The following NRG3 variants were observed in gnomAD, a reference collection of about 807,000 sequenced individuals.
The protein encoded by NRG3 is pro-neuregulin-3, membrane-bound isoform.
NRG3 carries 31 observed loss-of-function variants against 66.9 expected under a neutral mutation model. The observed-to-expected ratio is 0.46, with a 90% CI of 0.35 to 0.63. The LOEUF is 0.63. Ranked by LOEUF, NRG3 falls within the 20% of genes least tolerant of loss-of-function variation. NRG3 has a pLI of 0.00. For missense variants in NRG3, 910 were observed against 878.9 expected (o/e 1.04, Z -0.45); for synonymous variants, 393 against 359.4 (o/e 1.09, Z -1.06).
chr10:82,173,843 C>T (rs2133134844), intron 1 of NRG3, among the ~76,000 whole-genome samples: 1 of 152,192 alleles, frequency 6.6e-6, no homozygotes, highest in South Asian at 2.1e-4. Flanking sequence ...GTAGCCACGG[C>T]CTCCTGACCT....
At chr10:82,407,778 A>G (rs1346686572) in intron 2 of NRG3, among the ~76,000 whole-genome samples, 1 of 152,094 alleles carries the variant, frequency 6.6e-6, no homozygotes, top group Non-Finnish European at 1.5e-5. Context: ...ATGTTAAAAT[A>G]GAAAAATATA....
At chr10:82,295,130 A>G (rs2079982754) in intron 1 of NRG3, among the ~76,000 whole-genome samples, 2 of 152,214 alleles carry the variant, frequency 1.3e-5, no homozygotes, top group African/African-American at 2.4e-5. Context: ...TAAATTGCAC[A>G]TGACCTTGGT....
At chr10:82,674,736 G>A (rs1219119190) in intron 2 of NRG3, among the ~76,000 whole-genome samples, 1 of 152,014 alleles carries the variant, frequency 6.6e-6, no homozygotes, top group Non-Finnish European at 1.5e-5. Context: ...TCTCTCAGAT[G>A]AAGTCCCGTT....
intron 4 of NRG3, among the ~76,000 whole-genome samples, chr10:82,892,473 T>C (rs1027540592): frequency 6.6e-6 from 1 of 152,036 alleles, no homozygotes; most frequent in Admixed American, 6.6e-5. Context: ...AAGACCAGCC[T>C]GAGAAATATA....
At chr10:82,237,998 G>T (rs1370171394) in intron 1 of NRG3, among the ~76,000 whole-genome samples, 1 of 152,100 alleles carries the variant, frequency 6.6e-6, no homozygotes, top group Non-Finnish European at 1.5e-5. Context: ...ATTTTAAGAT[G>T]TCTTTCAGCA....
At chr10:82,922,450 C>T (rs1394627614) in intron 4 of NRG3, among the ~76,000 whole-genome samples, 1 of 152,150 alleles carries the variant, frequency 6.6e-6, no homozygotes, top group East Asian at 1.9e-4. Context: ...CTTTCAGGAG[C>T]AGGTTCTTGC....
At chr10:82,616,051 A>G (rs1044534223) in intron 2 of NRG3, among the ~76,000 whole-genome samples, 7 of 152,198 alleles carry the variant, frequency 4.6e-5, no homozygotes, top group African/African-American at 7.2e-5. Flanking sequence ...CAAAACACAC[A>G]TTCATCCACA....
rs188919407 is a variant in NRG3, at chr10:81,968,534, C to T, written c.823+92371C>T. Among the ~76,000 whole-genome samples, 17 of 152,288 alleles carry T rather than the reference C, an allele frequency of 1.1e-4. No individual in the cohort carries two copies. In the East Asian group the frequency reaches 1.7e-3, roughly 16 times the overall value. On this transcript the variant is annotated intron_variant, in intron 1 of 8. Coordinates refer to ENST00000372141, the MANE Select transcript of NRG3 (RefSeq NM_001010848.4). The stretch of plus-strand genomic sequence containing the variant: ...GACTGGGCACCCCTCTTCCAGCTGC[C>T]GTGTTTTGGCAGGAACTCTGAGAAT...
chr10:82,317,722 A>C (rs572692893), intron 1 of NRG3, among the ~76,000 whole-genome samples: 1 of 152,364 alleles, frequency 6.6e-6, no homozygotes, highest in South Asian at 2.1e-4. Context: ...GATCAAGAAA[A>C]ATAATGAGAC....
At chr10:82,133,297 A>G (rs966435161) in intron 1 of NRG3, among the ~76,000 whole-genome samples, 3 of 151,986 alleles carry the variant, frequency 2.0e-5, no homozygotes, top group African/African-American at 7.3e-5. Context: ...ATATATGTGA[A>G]GGTTTGTTAC....
At chr10:82,224,265 TG>T (rs1241649480) in intron 1 of NRG3, 1 of 152,236 alleles carries the variant, frequency 6.6e-6, no homozygotes, top group Non-Finnish European at 1.5e-5. Context: ...AGCAGTTATG[TG>T]ATTATTGGCT....
At chr10:81,895,378 A>G (rs867698734) in intron 1 of NRG3, among the ~76,000 whole-genome samples, 1 of 152,282 alleles carries the variant, frequency 6.6e-6, no homozygotes, top group South Asian at 2.1e-4. Flanking sequence ...ATAGATCTGC[A>G]TACTCAGATT....
At chr10:82,232,452 C>A in intron 1 of NRG3, 1 of 284,140 alleles carries the variant, frequency 3.5e-6, no homozygotes, top group East Asian at 7.4e-5. Flanking sequence ...CCTGACATCC[C>A]CACTCCCTCT....
At chr10:82,831,841 T>C (rs1401211320) in intron 3 of NRG3, among the ~76,000 whole-genome samples, 2 of 152,090 alleles carry the variant, frequency 1.3e-5, no homozygotes, top group Non-Finnish European at 2.9e-5. Context: ...GGCATGCAGA[T>C]GGAAAGGGGT....
At chr10:82,392,894 A>ATTT (rs68069830) in intron 2 of NRG3, among the ~76,000 whole-genome samples, 29,636 of 146,932 alleles carry the variant, frequency 0.2, 3,512 homozygotes, top group East Asian at 0.49. Context: ...ATATATATAT[A>ATTT]TATATTTTTT....
chr10:82,487,719 T>C (rs1842795386), intron 2 of NRG3, among the ~76,000 whole-genome samples: 1 of 152,218 alleles, frequency 6.6e-6, no homozygotes, highest in Admixed American at 6.5e-5. Context: ...CTTGTGTTAG[T>C]TTTAAGAAAA....
chr10:82,360,181 G>T (rs2084037947), intron 2 of NRG3, among the ~76,000 whole-genome samples: 1 of 152,084 alleles, frequency 6.6e-6, no homozygotes, highest in Non-Finnish European at 1.5e-5. Flanking sequence ...GGGAAGAAGG[G>T]GAGTGGGGAT....
intron 2 of NRG3, among the ~76,000 whole-genome samples, chr10:82,496,442 T>C (rs992727165): frequency 1.3e-5 from 2 of 152,190 alleles, no homozygotes; most frequent in African/African-American, 4.8e-5. Context: ...TTAAAAATTA[T>C]TTCCATTCAT....
chr10:82,385,458 T>A (rs772328896), intron 2 of NRG3, among the ~76,000 whole-genome samples: 2 of 152,214 alleles, frequency 1.3e-5, no homozygotes, highest in Admixed American at 1.3e-4. Context: ...ATTGTGCCAT[T>A]AATATGCAAA....
Sources: gnomAD v4.1 joint callset for allele counts (sites outside exome capture counted in the v4.1 genomes callset) on GRCh38, gnomAD v4.1.1 for gene constraint, MANE v1.5 for transcripts, NCBI Gene and HGNC (gene_info 2026-07-23, HGNC 2026-07-21) for gene names.